ROBO1: variants seen among roughly 807,000 people sequenced by gnomAD.
ROBO1 encodes roundabout homolog 1.
In ROBO1, 149 loss-of-function variants were observed where a neutral mutation model predicts 195.9. The observed-to-expected ratio is 0.76, with a 90% CI of 0.67 to 0.87. The LOEUF is 0.87. Ranked by LOEUF, ROBO1 falls within the 40% of genes least tolerant of loss-of-function variation. The probability of loss-of-function intolerance (pLI) is 0.00; values close to 1 mark genes in which losing one functional copy is unlikely to be tolerated. For missense variants in ROBO1, 1,933 were observed against 2,068.3 expected (o/e 0.93, Z 1.27); for synonymous variants, 816 against 733.2 (o/e 1.11, Z -1.82).
chr3:78,871,460 T>C (rs574392288), intron 4 of ROBO1, among the ~76,000 whole-genome samples: 14 of 152,292 alleles, frequency 9.2e-5, no homozygotes, highest in African/African-American at 3.4e-4. Context: ...TTAGCTCTAA[T>C]TTCCTACGGC....
At chr3:79,564,326 T>C (rs768802626) in intron 2 of ROBO1, among the ~76,000 whole-genome samples, 2 of 152,102 alleles carry the variant, frequency 1.3e-5, no homozygotes, top group African/African-American at 2.4e-5. Context: ...CTTTCAGTGC[T>C]GAGCATGCTT....
At chr3:79,484,034 AG>A (rs1939013152) in intron 2 of ROBO1, among the ~76,000 whole-genome samples, 1 of 152,158 alleles carries the variant, frequency 6.6e-6, no homozygotes, top group African/African-American at 2.4e-5. Context: ...CACAATAGAG[AG>A]GAACATTTAA....
At chr3:79,386,089 CA>C in intron 2 of ROBO1, among the ~76,000 whole-genome samples, 1 of 152,142 alleles carries the variant, frequency 6.6e-6, no homozygotes, top group South Asian at 2.1e-4. Flanking sequence ...AATGCCTGGA[CA>C]CTACAATATT....
intron 2 of ROBO1, among the ~76,000 whole-genome samples, chr3:79,415,508 A>G (rs927282493): frequency 7.2e-5 from 11 of 152,106 alleles, no homozygotes; most frequent in Admixed American, 6.6e-4. Flanking sequence ...AAGCTTACAC[A>G]AAAATTCCTC....
At chr3:78,611,842 G>A (rs1274435778) in intron 28 of ROBO1, among the ~76,000 whole-genome samples, 1 of 152,170 alleles carries the variant, frequency 6.6e-6, no homozygotes, top group East Asian at 1.9e-4. Context: ...TACACTGGGG[G>A]AAGATCAGGT....
At chr3:79,550,751 C>A (rs895646569) in intron 2 of ROBO1, among the ~76,000 whole-genome samples, 1 of 152,098 alleles carries the variant, frequency 6.6e-6, no homozygotes, top group African/African-American at 2.4e-5. Flanking sequence ...TAAGAAGATC[C>A]TTCCAATGGG....
intron 4 of ROBO1, among the ~76,000 whole-genome samples, chr3:78,885,676 T>C (rs2036516531): frequency 6.6e-6 from 1 of 150,978 alleles, no homozygotes; most frequent in Non-Finnish European, 1.5e-5. Flanking sequence ...TAGATACTAT[T>C]ATTACCCTCA....
intron 2 of ROBO1, among the ~76,000 whole-genome samples, chr3:79,410,252 A>C (rs1160786572): frequency 6.6e-6 from 1 of 152,134 alleles, no homozygotes; most frequent in East Asian, 1.9e-4. Context: ...TAAAATATAG[A>C]CTTTCAGGCA....
chr3:78,880,710 T>C (rs1037323102), intron 4 of ROBO1, among the ~76,000 whole-genome samples: 3 of 152,218 alleles, frequency 2.0e-5, no homozygotes, highest in African/African-American at 7.2e-5. Flanking sequence ...TCTGCTTTTT[T>C]TTCTATTTCA....
intron 2 of ROBO1, among the ~76,000 whole-genome samples, chr3:79,143,952 T>G (rs534668166): frequency 6.6e-6 from 1 of 152,048 alleles, no homozygotes; most frequent in East Asian, 1.9e-4. Context: ...GTACGTAACT[T>G]TTTTGAGAAT....
At chr3:79,133,884 G>A in intron 2 of ROBO1, among the ~76,000 whole-genome samples, 1 of 151,036 alleles carries the variant, frequency 6.6e-6, no homozygotes. Flanking sequence ...CTTTCTGGTT[G>A]TTAGTTTTCC....
chr3:78,924,653 C>T lies in ROBO1; in HGVS notation c.499+13948G>A, dbSNP rs77490590. On this transcript the variant is annotated intron_variant, in intron 4 of 30. Coordinates refer to ENST00000464233, the MANE Select transcript of ROBO1 (RefSeq NM_002941.4). ...TCAATAAAATCCCTTTAAAACTGAACGACTCCAGTTAAATTAACTTTTTTC... is the reference window on the plus strand; with the variant it reads ...TCAATAAAATCCCTTTAAAACTGAATGACTCCAGTTAAATTAACTTTTTTC... Among the ~76,000 whole-genome samples the T allele has an allele frequency of 2.6e-3, 397 of 151,780 alleles. 4 individuals carry two copies. In the East Asian group the frequency reaches 0.034, roughly 13 times the overall value.
chr3:79,174,368 C>T lies in ROBO1; in HGVS notation c.89-48829G>A, dbSNP rs951578574. On this transcript the variant is annotated intron_variant, in intron 2 of 30. Coordinates refer to ENST00000464233, the MANE Select transcript of ROBO1 (RefSeq NM_002941.4). ...GTCCGCAGCTTTACTCCTGAGCCAG[C>T]GAAACCACGAACCCACCACAAGGAA... Among the ~76,000 whole-genome samples, 5 of 151,982 alleles carry T rather than the reference C, an allele frequency of 3.3e-5. No individual in the cohort carries two copies. In the East Asian group the frequency reaches 7.8e-4, roughly 24 times the overall value.
At chr3:79,217,083 CTG>C (rs1443796141) in intron 2 of ROBO1, among the ~76,000 whole-genome samples, 1 of 152,074 alleles carries the variant, frequency 6.6e-6, no homozygotes, top group African/African-American at 2.4e-5. Context: ...CATTACCACT[CTG>C]TGAATAGTCT....
At chr3:79,665,341 AG>A (rs1487235358) in intron 1 of ROBO1, among the ~76,000 whole-genome samples, 3 of 151,866 alleles carry the variant, frequency 2.0e-5, no homozygotes, top group Non-Finnish European at 2.9e-5. Context: ...CTTCAATATC[AG>A]TTTCTTATTT....
intron 4 of ROBO1, among the ~76,000 whole-genome samples, chr3:78,924,687 C>G (rs907771141): frequency 6.6e-6 from 1 of 151,716 alleles, no homozygotes; most frequent in East Asian, 1.9e-4. Context: ...TCCTACCTCC[C>G]CTAAGTAGCA....
chr3:78,697,720 G>A (rs1307019876), intron 8 of ROBO1, among the ~76,000 whole-genome samples: 1 of 152,092 alleles, frequency 6.6e-6, no homozygotes, highest in Non-Finnish European at 1.5e-5. Context: ...ATCTTAAAGT[G>A]CTTTCAGTGC....
At chr3:78,852,695 G>A (rs2034141411) in intron 4 of ROBO1, among the ~76,000 whole-genome samples, 2 of 152,106 alleles carry the variant, frequency 1.3e-5, no homozygotes, top group Non-Finnish European at 2.9e-5. Context: ...AACAGGCTAA[G>A]GAATATGGAT....
intron 2 of ROBO1, among the ~76,000 whole-genome samples, chr3:79,386,236 C>T (rs1303649410): frequency 3.3e-5 from 5 of 151,954 alleles, no homozygotes; most frequent in Admixed American, 6.6e-5. Context: ...AACGTCAGTT[C>T]GATAGAACTC....
Sources: allele counts gnomAD v4.1 joint callset (sites outside exome capture counted in the v4.1 genomes callset), GRCh38; gene constraint gnomAD v4.1.1; transcripts MANE v1.5; gene names NCBI Gene and HGNC (gene_info 2026-07-23, HGNC 2026-07-21).